SH3D19: variants seen among roughly 807,000 people sequenced by gnomAD.
SH3D19 encodes SH3 domain-containing protein 19.
A neutral mutation model predicts 112.1 loss-of-function variants in SH3D19; 58 were observed. The observed-to-expected ratio is 0.52, with a 90% CI of 0.42 to 0.64. The LOEUF (loss-of-function observed/expected upper bound fraction) is 0.64. Among genes scored for constraint, SH3D19 ranks in the 30% least tolerant of loss-of-function variants. The pLI is 0.00. For synonymous variants in SH3D19, 391 were observed against 448.5 expected (o/e 0.87, Z 1.62); for missense variants, 1,090 against 1,263.4 (o/e 0.86, Z 2.08).
At chr4:151,188,441 A>G (rs1762123225) in intron 2 of SH3D19, among the ~76,000 whole-genome samples, 1 of 152,184 alleles carries the variant, frequency 6.6e-6, no homozygotes, top group African/African-American at 2.4e-5. Context: ...ATTTCTTTTT[A>G]TTTTGGAATA....
intron 2 of SH3D19, among the ~76,000 whole-genome samples, chr4:151,219,851 T>A (rs1246906840): frequency 6.6e-6 from 1 of 152,238 alleles, no homozygotes; most frequent in East Asian, 1.9e-4. Context: ...TGGTTTGTAT[T>A]TGTTGACCCT....
intron 7 of SH3D19, 35 bp from the exon 8 acceptor site, chr4:151,165,731 G>T: frequency 6.4e-7 from 1 of 1,562,294 alleles, no homozygotes; most frequent in Non-Finnish European, 8.8e-7. Context: ...GCATGTTTTA[G>T]TTAACATGGA....
intron 2 of SH3D19, among the ~76,000 whole-genome samples, chr4:151,218,745 T>C (rs1369441557): frequency 6.6e-6 from 1 of 152,234 alleles, no homozygotes; most frequent in Non-Finnish European, 1.5e-5. Flanking sequence ...GCACATCTTT[T>C]TATACTTTTA....
At chr4:151,218,176 G>A (rs916990182) in intron 2 of SH3D19, among the ~76,000 whole-genome samples, 3 of 152,028 alleles carry the variant, frequency 2.0e-5, no homozygotes, top group Non-Finnish European at 2.9e-5. Flanking sequence ...AATTTGCAGA[G>A]AAATACAAGA....
intron 1 of SH3D19, among the ~76,000 whole-genome samples, chr4:151,321,314 A>G (rs915216412): frequency 4.6e-5 from 7 of 152,142 alleles, no homozygotes; most frequent in African/African-American, 1.4e-4. Context: ...TGGTCACCCA[A>G]TCTCGTCCGC....
chr4:151,272,254 A>T (rs1773281092), intron 1 of SH3D19, among the ~76,000 whole-genome samples: 1 of 152,240 alleles, frequency 6.6e-6, no homozygotes, highest in Non-Finnish European at 1.5e-5. Flanking sequence ...TCATCAACTG[A>T]TTCCAGCACC....
At chr4:151,310,194 C>T (rs1462440419) in intron 1 of SH3D19, among the ~76,000 whole-genome samples, 2 of 132,708 alleles carry the variant, frequency 1.5e-5, no homozygotes, top group Non-Finnish European at 3.1e-5. Flanking sequence ...GTTAACACAG[C>T]GAAACTCTGT....
intron 1 of SH3D19, among the ~76,000 whole-genome samples, chr4:151,273,033 T>C (rs761848056): frequency 2.0e-5 from 3 of 152,226 alleles, no homozygotes; most frequent in Non-Finnish European, 2.9e-5. Flanking sequence ...CCTATTTTGA[T>C]ACTCTGAATT....
chr4:151,291,324 G>A (rs751607255), intron 1 of SH3D19: 1 of 1,613,872 alleles, frequency 6.2e-7, no homozygotes, highest in Non-Finnish European at 8.5e-7. Context: ...TACTCTCTCT[G>A]GCTCTCCTGC....
In SH3D19 at chr4:151,209,245, T is replaced by C. The variant is rs114118822; in HGVS notation, c.152+16802A>G. On this transcript the variant is annotated intron_variant, in intron 2 of 19. Transcript: ENST00000604030. ...TATCCCACAGCTTCTCGAGTGGTTC[T>C]ACCAATACAGGCAGAACCTAAACAA... is the stretch of plus-strand genomic sequence containing the variant. Among the ~76,000 whole-genome samples the C allele has an allele frequency of 3.5e-3, 527 of 152,014 alleles. 5 individuals are homozygous for C. Among genetic ancestry groups the C allele is most frequent in the African/African-American group, 0.012 (490 of 41,436 alleles).
At position 151,154,112 on chromosome 4, in the gene SH3D19, A is replaced by C. The variant is rs184601636; in HGVS notation, c.1756-4551T>G. 2.5e-3 allele frequency among the ~76,000 whole-genome samples: 369 copies of C among 145,232 alleles called. 1 individual carries two copies. Among genetic ancestry groups the C allele is most frequent in the African/African-American group, 9.1e-3 (357 of 39,134 alleles). ...AAGTAGCTGGGATTATAGGCGCATGACACCACACCCGGCTGATTTTTTTTT... is the reference window on the plus strand; with the variant it reads ...AAGTAGCTGGGATTATAGGCGCATGCCACCACACCCGGCTGATTTTTTTTT... On this transcript the variant is annotated intron_variant, in intron 9 of 19. Transcript: ENST00000604030.
At chr4:151,263,171 C>T (rs1406821792) in intron 1 of SH3D19, among the ~76,000 whole-genome samples, 1 of 110,604 alleles carries the variant, frequency 9.0e-6, no homozygotes, top group Non-Finnish European at 2.0e-5. Context: ...TTGGTTGATT[C>T]TAACAAATTA....
chr4:151,153,934 T>C (rs1317016470), intron 9 of SH3D19, among the ~76,000 whole-genome samples: 1 of 140,756 alleles, frequency 7.1e-6, no homozygotes, highest in Non-Finnish European at 1.5e-5. Flanking sequence ...CCGGACTGCT[T>C]AGCACTAAAC....
intron 2 of SH3D19, among the ~76,000 whole-genome samples, chr4:151,207,353 C>T (rs60483184): frequency 2.2e-4 from 34 of 152,320 alleles, no homozygotes; most frequent in African/African-American, 7.9e-4. Context: ...AACAGTTTAT[C>T]ATGCTTTTAC....
chr4:151,256,029 A>T (rs1192835476), intron 1 of SH3D19, among the ~76,000 whole-genome samples: 1 of 150,614 alleles, frequency 6.6e-6, no homozygotes, highest in Admixed American at 6.6e-5. Context: ...AGGGAGAGGG[A>T]GAGGGAGAGG....
intron 1 of SH3D19, among the ~76,000 whole-genome samples, chr4:151,227,468 T>C (rs1021381157): frequency 6.6e-6 from 1 of 152,218 alleles, no homozygotes; most frequent in Non-Finnish European, 1.5e-5. Context: ...ACATTTCTGG[T>C]TCCAATTTTT....
At chr4:151,238,669 G>T (rs1223356856) in intron 1 of SH3D19, among the ~76,000 whole-genome samples, 1 of 151,868 alleles carries the variant, frequency 6.6e-6, no homozygotes, top group African/African-American at 2.4e-5. Flanking sequence ...CTTGGATGAG[G>T]ATTCTTCCGA....
At chr4:151,219,469 T>A (rs1007867555) in intron 2 of SH3D19, among the ~76,000 whole-genome samples, 7 of 152,184 alleles carry the variant, frequency 4.6e-5, no homozygotes, top group Non-Finnish European at 1.0e-4. Flanking sequence ...CTGAATAAAG[T>A]CTTCCTTACA....
At chr4:151,274,571 G>T (rs776537353) in intron 1 of SH3D19, among the ~76,000 whole-genome samples, 4 of 152,188 alleles carry the variant, frequency 2.6e-5, no homozygotes, top group Non-Finnish European at 5.9e-5. Context: ...ATGGAATTCG[G>T]TTGAGCCATA....
Sources: gnomAD v4.1 joint callset for allele counts (sites outside exome capture counted in the v4.1 genomes callset) on GRCh38, gnomAD v4.1.1 for gene constraint, MANE v1.5 for transcripts, NCBI Gene and HGNC (gene_info 2026-07-23, HGNC 2026-07-21) for gene names.